The following GINS3 variants were observed in gnomAD, a reference collection of about 807,000 sequenced individuals.
GINS3 encodes the protein GINS complex subunit 3.
A neutral mutation model predicts 20.0 loss-of-function variants in GINS3; 18 were observed. The observed-to-expected ratio is 0.90, with a 90% CI of 0.62 to 1.33. GINS3 has a LOEUF of 1.33. Ranked by LOEUF, GINS3 falls within the 40% of genes most tolerant of loss-of-function variation. GINS3 has a pLI of 0.00. For missense variants in GINS3, 254 were observed against 273.6 expected, an observed-to-expected ratio of 0.93 and a Z score of 0.51; for synonymous variants, 109 against 107.0, an observed-to-expected ratio of 1.02 and a Z score of -0.12.
intron 1 of GINS3, chr16:58,393,493 T>C (rs553956468): frequency 5.9e-5 from 9 of 152,236 alleles, no homozygotes; most frequent in Non-Finnish European, 1.3e-4. Flanking sequence ...ATGTTTATTG[T>C]TTGGTCTGTT....
At chr16:58,401,864 A>G (rs1965959618) in intron 1 of GINS3, among the ~76,000 whole-genome samples, 1 of 151,924 alleles carries the variant, frequency 6.6e-6, no homozygotes, top group Admixed American at 6.6e-5. Context: ...CCTAGTTGTG[A>G]TTTTATTAGT....
At chr16:58,401,763 C>A (rs1965957807) in intron 1 of GINS3, among the ~76,000 whole-genome samples, 1 of 152,228 alleles carries the variant, frequency 6.6e-6, no homozygotes, top group African/African-American at 2.4e-5. Flanking sequence ...TCTTAATGTT[C>A]ATTCTTTAAA....
chr16:58,403,537 T>C (rs1965986395), intron 2 of GINS3: 1 of 542,988 alleles, frequency 1.8e-6, no homozygotes, highest in Non-Finnish European at 3.3e-6. Flanking sequence ...TTAATATGAC[T>C]TGTCTGCCAC....
chr16:58,393,508 TC>T (rs1965810281), intron 1 of GINS3: 1 of 152,254 alleles, frequency 6.6e-6, no homozygotes, highest in African/African-American at 2.4e-5. Context: ...TCTGTTTGTT[TC>T]AAGTTAATTT....
intron 1 of GINS3, among the ~76,000 whole-genome samples, chr16:58,396,179 C>T (rs1272824064): frequency 3.8e-5 from 5 of 131,638 alleles, no homozygotes; most frequent in African/African-American, 1.5e-4. Flanking sequence ...GCTGGCCGGG[C>T]AGAGGGGCTC....
At chr16:58,392,917 C>T (rs993723066) in intron 1 of GINS3, 130 bp downstream of exon 1, 2 of 986,814 alleles carry the variant, frequency 2.0e-6, no homozygotes, top group South Asian at 1.8e-5. Context: ...GGGCCGAAGG[C>T]GCTAACGACT....
chr16:58,392,727 C>A lies in GINS3; in HGVS notation c.126C>A (p.Arg42=). ...LPVRTETAMP[R]LGAFFLERSA... ...TGCGCACGGAGACCGCCATGCCTCGCCTTGGCGCTTTCTTCCTGGAGCGGA... is the reference window on the plus strand; with the variant it reads ...TGCGCACGGAGACCGCCATGCCTCGACTTGGCGCTTTCTTCCTGGAGCGGA... The change falls in exon 1 of 3, where the codon CGC becomes CGA. Residue 42 remains arginine, a synonymous_variant. Coordinates refer to ENST00000318129, the MANE Select transcript of GINS3 (RefSeq NM_022770.4). 1 of 1,614,150 alleles carries A rather than the reference C, an allele frequency of 6.2e-7. No individual in the cohort carries two copies. Among genetic ancestry groups the A allele is most frequent in the Non-Finnish European group, 8.5e-7 (1 of 1,180,036 alleles).
chr16:58,397,433 C>G (rs1965892611), intron 1 of GINS3, among the ~76,000 whole-genome samples: 1 of 150,762 alleles, frequency 6.6e-6, no homozygotes, highest in South Asian at 2.1e-4. Flanking sequence ...GCAATCTCGG[C>G]ACTTTGGGGG....
intron 2 of GINS3, chr16:58,403,535 A>G (rs1965986368): frequency 1.8e-5 from 10 of 544,812 alleles, no homozygotes; most frequent in Admixed American, 6.9e-5. Context: ...TTTTAATATG[A>G]CTTGTCTGCC....
intron 1 of GINS3, among the ~76,000 whole-genome samples, chr16:58,401,814 A>G (rs1464000889): frequency 2.0e-5 from 3 of 151,682 alleles, no homozygotes; most frequent in African/African-American, 7.3e-5. Flanking sequence ...TGTTTTTAGG[A>G]TTTTCTCTGT....
chr16:58,393,532 T>C (rs1335714701), intron 1 of GINS3: 1 of 152,220 alleles, frequency 6.6e-6, no homozygotes, highest in Non-Finnish European at 1.5e-5. Flanking sequence ...ATCAAAGTAA[T>C]ACATAACCAA....
At chr16:58,396,866 C>CG (rs1327711125) in intron 1 of GINS3, among the ~76,000 whole-genome samples, 1 of 133,398 alleles carries the variant, frequency 7.5e-6, no homozygotes, top group Non-Finnish European at 1.6e-5. Flanking sequence ...ACCTCCCGGA[C>CG]GGGGCGGCTG....
intron 1 of GINS3, among the ~76,000 whole-genome samples, chr16:58,395,683 G>T (rs1409799101): frequency 2.0e-5 from 3 of 152,172 alleles, no homozygotes; most frequent in African/African-American, 7.2e-5. Flanking sequence ...CAAGGCAGAA[G>T]AATTTTTCTT....
At chr16:58,395,382 G>C (rs1328130043) in intron 1 of GINS3, among the ~76,000 whole-genome samples, 2 of 149,452 alleles carry the variant, frequency 1.3e-5, no homozygotes, top group Non-Finnish European at 3.0e-5. Flanking sequence ...CGCAAAGGGG[G>C]ATTTGGCAGG....
chr16:58,401,125 G>A (rs1031215997), intron 1 of GINS3, among the ~76,000 whole-genome samples: 1 of 151,978 alleles, frequency 6.6e-6, no homozygotes, highest in African/African-American at 2.4e-5. Context: ...TCTTGGTCTC[G>A]CTGGTCTCGC....
chr16:58,405,166 A>G lies in GINS3; in HGVS notation c.*437A>G, dbSNP rs1487645807. Reference sequence around the variant, plus strand: ...ATGCTCTCTTGATCTTATTTGCCTCATCTTCCTCATGGTTGTACAGAGGAT... The same window carrying G: ...ATGCTCTCTTGATCTTATTTGCCTCGTCTTCCTCATGGTTGTACAGAGGAT... On this transcript the variant is annotated 3_prime_UTR_variant, in exon 3 of 3. Transcript: ENST00000318129. 1 of 171,570 alleles carries G rather than the reference A, an allele frequency of 5.8e-6. No individual in the cohort carries two copies. Among genetic ancestry groups the G allele is most frequent in the Non-Finnish European group, 1.3e-5 (1 of 79,296 alleles). 10.6% of individuals were successfully genotyped at this position (171,570 alleles called of 1,614,324 possible).
At chr16:58,392,845 C>A in intron 1 of GINS3, 58 bp downstream of exon 1, 4 of 1,494,792 alleles carry the variant, frequency 2.7e-6, no homozygotes, top group African/African-American at 2.8e-5. Context: ...GCGGGCCCCT[C>A]GGCCCTGGGA....
In GINS3 at chr16:58,392,635, G is replaced by C; in HGVS notation, c.34G>C (p.Ala12Pro). The C allele has an allele frequency of 6.2e-7, 1 of 1,614,254 alleles. No homozygotes were observed. The highest frequency in any genetic ancestry group is 8.5e-7 in the Non-Finnish European group (1 of 1,180,044). Residue 12 changes from alanine (A) to proline (P), a missense_variant, in exon 1 of 3, where the codon GCG (alanine) becomes CCG (proline). Coordinates refer to ENST00000318129, the MANE Select transcript of GINS3 (RefSeq NM_022770.4). The part of the protein sequence containing the change: ...SEAYFRVESG[A>P]LGPEENFLSL... The stretch of plus-strand genomic sequence containing the variant: ...GGCTTATTTCCGAGTGGAGTCGGGT[G>C]CGCTGGGGCCTGAGGAGAACTTTCT...
intron 1 of GINS3, among the ~76,000 whole-genome samples, chr16:58,401,241 C>G (rs1965950323): frequency 6.6e-6 from 1 of 152,054 alleles, no homozygotes; most frequent in Non-Finnish European, 1.5e-5. Flanking sequence ...TCCGGAGTTT[C>G]TTTCTTCTGG....
Sources: allele counts gnomAD v4.1 joint callset (sites outside exome capture counted in the v4.1 genomes callset), GRCh38; gene constraint gnomAD v4.1.1; transcripts MANE v1.5; gene names NCBI Gene and HGNC (gene_info 2026-07-23, HGNC 2026-07-21).